RRBP1: variants seen among roughly 807,000 people sequenced by gnomAD.
The protein encoded by RRBP1 is ribosome binding protein 1, also known as ribosome-binding protein 1.
RRBP1 carries 94 observed loss-of-function variants against 165.2 expected under a neutral mutation model. The observed-to-expected ratio is 0.57, with a 90% CI of 0.48 to 0.68. The LOEUF is 0.68. Ranked by LOEUF, RRBP1 falls within the 30% of genes least tolerant of loss-of-function variation. RRBP1 has a pLI of 0.00. For missense variants in RRBP1, 1,676 were observed against 1,763.0 expected, an observed-to-expected ratio of 0.95 and a Z score of 0.88; for synonymous variants, 680 against 714.5, an observed-to-expected ratio of 0.95 and a Z score of 0.77.
At chr20:17,623,931 C>CA (rs1284202465) in intron 13 of RRBP1, among the ~76,000 whole-genome samples, 116 of 135,388 alleles carry the variant, frequency 8.6e-4, no homozygotes, top group Middle Eastern at 3.9e-3. Flanking sequence ...GACACCGTCT[C>CA]AAAAAAAAAA....
chr20:17,667,277 G>C (rs1426466926), intron 2 of RRBP1, among the ~76,000 whole-genome samples: 1 of 152,156 alleles, frequency 6.6e-6, no homozygotes, highest in African/African-American at 2.4e-5. Context: ...TGGCTAGAGT[G>C]CTGATTTTTA....
rs529642127 is a variant in RRBP1 at position 17,624,215 on chromosome 20, T to G, written c.3147+361A>C. Among the ~76,000 whole-genome samples, 3 of 151,400 alleles carry G rather than the reference T, an allele frequency of 2.0e-5. No homozygotes were observed. In the East Asian group the frequency reaches 5.9e-4, roughly 30 times the overall value. Reference sequence around the variant, plus strand: ...CAGGGAAGGAGGTGGGAGGGGGAGGTGGATGTAGAGCCGGGGTCTGGCGTG... The same window carrying G: ...CAGGGAAGGAGGTGGGAGGGGGAGGGGGATGTAGAGCCGGGGTCTGGCGTG... On this transcript the variant is annotated intron_variant, in intron 13 of 24. Transcript: ENST00000377813.
At chr20:17,655,754 C>T (rs566007382) in intron 3 of RRBP1, among the ~76,000 whole-genome samples, 17 of 152,362 alleles carry the variant, frequency 1.1e-4, no homozygotes, top group African/African-American at 4.1e-4. Context: ...AAAATGGTCA[C>T]ACAATTTACA....
At chr20:17,653,607 G>A (rs996041253) in intron 3 of RRBP1, among the ~76,000 whole-genome samples, 8 of 152,156 alleles carry the variant, frequency 5.3e-5, no homozygotes, top group Admixed American at 1.3e-4. Flanking sequence ...AGGCCAAGGC[G>A]GGTGGATCAC....
intron 12 of RRBP1, 56 bp downstream of exon 12, chr20:17,625,456 G>A (rs371583536): frequency 9.3e-6 from 14 of 1,505,196 alleles, no homozygotes; most frequent in Middle Eastern, 1.8e-4. Context: ...AACCTTTCCC[G>A]GCCCCACCTG....
chr20:17,625,356 C>T (rs1454339592), intron 12 of RRBP1, among the ~76,000 whole-genome samples, 156 bp downstream of exon 12: 2 of 152,016 alleles, frequency 1.3e-5, no homozygotes, highest in African/African-American at 4.8e-5. Flanking sequence ...AGTAGAAGCA[C>T]CCCCCACACC....
intron 17 of RRBP1, 46 bp downstream of exon 17, chr20:17,620,669 C>T (rs1010937058): frequency 1.4e-6 from 2 of 1,435,054 alleles, no homozygotes; most frequent in South Asian, 2.3e-5. Flanking sequence ...CTCCCCTGGG[C>T]TTCATGTGCT....
intron 2 of RRBP1, among the ~76,000 whole-genome samples, chr20:17,666,273 G>A (rs1447585301): frequency 3.9e-5 from 6 of 152,088 alleles, no homozygotes; most frequent in Admixed American, 6.5e-5. Context: ...TTGGGGGGCT[G>A]AGGCAGGAGT....
At chr20:17,616,030 T>TA (rs1847586193) in intron 21 of RRBP1, 21 bp from the exon 22 acceptor site, 1 of 1,597,970 alleles carries the variant, frequency 6.3e-7, no homozygotes. Flanking sequence ...ACCGCAAACA[T>TA]AACCCGGCAG....
At chr20:17,617,404 G>A (rs2035822199) in intron 20 of RRBP1, among the ~76,000 whole-genome samples, 1 of 152,222 alleles carries the variant, frequency 6.6e-6, no homozygotes, top group Non-Finnish European at 1.5e-5. Context: ...AGACCCAGGT[G>A]GGGCCCTTGG....
At chr20:17,681,141 C>T (rs1455814936) in intron 1 of RRBP1, among the ~76,000 whole-genome samples, 1 of 150,968 alleles carries the variant, frequency 6.6e-6, no homozygotes, top group Non-Finnish European at 1.5e-5. Context: ...GCTTGGCCGG[C>T]CCGGAGGTGT....
At chr20:17,624,260 C>T (rs989854666) in intron 13 of RRBP1, among the ~76,000 whole-genome samples, 27 of 152,322 alleles carry the variant, frequency 1.8e-4, no homozygotes, top group Middle Eastern at 3.4e-3. Context: ...GCTCTGAGGC[C>T]AAGGCCACTC....
chr20:17,646,444 G>A (rs533489452), intron 3 of RRBP1, among the ~76,000 whole-genome samples: 4 of 152,254 alleles, frequency 2.6e-5, no homozygotes, highest in African/African-American at 7.2e-5. Context: ...GCCTGGAGTC[G>A]AATCCCAGCT....
intron 1 of RRBP1, among the ~76,000 whole-genome samples, chr20:17,681,579 C>A (rs2037189645): frequency 6.7e-6 from 1 of 149,680 alleles, no homozygotes; most frequent in African/African-American, 2.4e-5. Flanking sequence ...GACTCCAGCC[C>A]GGCAACGTCA....
In RRBP1 at chr20:17,643,051, G is replaced by A. The variant is rs373094146; in HGVS notation, c.1989C>T (p.Asn663=). 5.6e-5 allele frequency: 91 copies of A among 1,613,988 alleles called. No homozygotes were observed. Among genetic ancestry groups the A allele is most frequent in the Admixed American group, 3.5e-4 (21 of 59,996 alleles). ...CGATGAGCCGCTGGGCCTCGCCCTCGTTGAACACCATGCTCCCAACCGTGG... is the reference window on the plus strand; with the variant it reads ...CGATGAGCCGCTGGGCCTCGCCCTCATTGAACACCATGCTCCCAACCGTGG... ...LVSTVGSMVF[N]EGEAQRLIEI... The change falls in exon 4 of 25, where the codon AAC becomes AAT. Residue 663 remains asparagine, a synonymous_variant. Transcript: ENST00000377813. This position sits in a 1 kb window ranked among gnomAD's most constrained non-coding sequence, Gnocchi z 4.3.
At chr20:17,639,973 G>A (rs555855719) in intron 5 of RRBP1, among the ~76,000 whole-genome samples, 1 of 151,852 alleles carries the variant, frequency 6.6e-6, no homozygotes, top group East Asian at 1.9e-4. Flanking sequence ...CGAGCACAGG[G>A]AAGAGAAACG....
intron 3 of RRBP1, among the ~76,000 whole-genome samples, chr20:17,646,527 C>T (rs145690430): frequency 2.6e-5 from 4 of 152,288 alleles, no homozygotes; most frequent in East Asian, 1.9e-4. Flanking sequence ...GCCTACAAAA[C>T]GGGGATGATC....
intron 8 of RRBP1, 60 bp downstream of exon 8, chr20:17,633,400 A>C: frequency 3.2e-6 from 5 of 1,570,168 alleles, no homozygotes; most frequent in Non-Finnish European, 4.3e-6. Flanking sequence ...CATCCCCGCT[A>C]TGCAGACAGG....
In RRBP1 at chr20:17,620,773, T is replaced by TCCA; in HGVS notation, c.3446_3448dup (p.Val1149dup). The TCCA allele has an allele frequency of 6.2e-7, 1 of 1,608,696 alleles. No homozygotes were observed. The highest frequency in any genetic ancestry group is 1.1e-5 in the South Asian group (1 of 91,038). ...GGCCCTCCACACCTGCTCCTCCTCC[T>TCCA]CCACGCTCTTCTGCAGGTCTCTGAG... On this transcript the variant is annotated inframe_insertion, in exon 17 of 25. Coordinates refer to ENST00000377813, the MANE Select transcript of RRBP1 (RefSeq NM_001365613.2).
Sources: gnomAD v4.1 joint callset for allele counts (sites outside exome capture counted in the v4.1 genomes callset) on GRCh38, gnomAD v4.1.1 for gene constraint, Gnocchi (gnomAD v3.1) non-coding constraint, MANE v1.5 for transcripts, NCBI Gene and HGNC (gene_info 2026-07-23, HGNC 2026-07-21) for gene names.